The following CNTNAP5 variants were observed in gnomAD, a reference collection of about 807,000 sequenced individuals.
CNTNAP5 encodes contactin associated protein family member 5, also known as contactin-associated protein-like 5.
A neutral mutation model predicts 150.2 loss-of-function variants in CNTNAP5; 72 were observed. The ratio of observed to expected loss-of-function variants is 0.48; its 90% CI spans 0.40 to 0.58. The LOEUF (loss-of-function observed/expected upper bound fraction) is 0.58. Ranked by LOEUF, CNTNAP5 falls within the 20% of genes least tolerant of loss-of-function variation. The probability of loss-of-function intolerance (pLI) is 0.00; values close to 1 mark genes in which losing one functional copy is unlikely to be tolerated. For missense variants in CNTNAP5, 1,636 were observed against 1,626.2 expected (o/e 1.01, Z -0.10); for synonymous variants, 672 against 619.8 (o/e 1.08, Z -1.25).
chr2:124,182,957 A>G (rs1324938409), intron 1 of CNTNAP5, among the ~76,000 whole-genome samples: 1 of 152,148 alleles, frequency 6.6e-6, no homozygotes, highest in Admixed American at 6.6e-5. Context: ...TGCTTATGAC[A>G]GCATTTTTCT....
intron 3 of CNTNAP5, among the ~76,000 whole-genome samples, chr2:124,271,739 G>C (rs1227579321): frequency 1.3e-5 from 2 of 150,610 alleles, no homozygotes; most frequent in African/African-American, 2.4e-5. Flanking sequence ...TATTGAGACA[G>C]AGTCTTGCTC....
At chr2:124,223,043 T>C (rs1315586452) in intron 2 of CNTNAP5, among the ~76,000 whole-genome samples, 2 of 152,152 alleles carry the variant, frequency 1.3e-5, no homozygotes, top group African/African-American at 4.8e-5. Context: ...GCCAAAAATT[T>C]GATTAAGCAT....
At chr2:124,785,761 C>A (rs1681553584) in intron 17 of CNTNAP5, among the ~76,000 whole-genome samples, 1 of 152,186 alleles carries the variant, frequency 6.6e-6, no homozygotes, top group Admixed American at 6.5e-5. Context: ...ATCCCTAGGA[C>A]AATGACTAGT....
rs1437084071 is a variant in CNTNAP5 at position 124,918,261 on chromosome 2, C to A, written c.*3973C>A. On this transcript the variant is annotated 3_prime_UTR_variant, in exon 24 of 24. Transcript: ENST00000682447. Reference sequence around the variant, plus strand: ...CATGCCGTTGTTCTTCCAGATGTTCCTGAAGGTGGTTTGGTTGTCATCCAG... The same window carrying A: ...CATGCCGTTGTTCTTCCAGATGTTCATGAAGGTGGTTTGGTTGTCATCCAG... Among the ~76,000 whole-genome samples the A allele has an allele frequency of 6.6e-6, 1 of 152,024 alleles. No homozygotes were observed. The highest frequency in any genetic ancestry group is 6.6e-5 in the Admixed American group (1 of 15,238).
intron 6 of CNTNAP5, among the ~76,000 whole-genome samples, chr2:124,468,321 C>T (rs1693429281): frequency 6.6e-6 from 1 of 152,122 alleles, no homozygotes; most frequent in Admixed American, 6.6e-5. Flanking sequence ...GCCAACAGTG[C>T]AGTCTTCAGC....
chr2:124,062,001 T>G (rs1249394179), intron 1 of CNTNAP5, among the ~76,000 whole-genome samples: 1 of 152,156 alleles, frequency 6.6e-6, no homozygotes, highest in African/African-American at 2.4e-5. Flanking sequence ...TGCTGGATAT[T>G]CCAGGGATTT....
chr2:124,402,739 A>G (rs185915986), intron 3 of CNTNAP5, among the ~76,000 whole-genome samples: 501 of 152,340 alleles, frequency 3.3e-3, no homozygotes, highest in African/African-American at 0.012. Flanking sequence ...AGATACACAC[A>G]TATGCACTTA....
chr2:124,745,839 T>A (rs894019676), intron 13 of CNTNAP5, among the ~76,000 whole-genome samples: 5 of 152,148 alleles, frequency 3.3e-5, no homozygotes, highest in Admixed American at 1.3e-4. Flanking sequence ...CTTCTGTATG[T>A]TTTTCTCATG....
intron 13 of CNTNAP5, among the ~76,000 whole-genome samples, chr2:124,736,247 C>T (rs1336089545): frequency 6.6e-6 from 1 of 152,042 alleles, no homozygotes; most frequent in Non-Finnish European, 1.5e-5. Flanking sequence ...GGAAACAAAA[C>T]AAAACAAAAC....
rs1457507691 is a variant in CNTNAP5, at chr2:124,327,224, C to T, written c.381+84831C>T. 3.3e-5 allele frequency among the ~76,000 whole-genome samples: 5 copies of T among 152,092 alleles called. No homozygotes were observed. In the South Asian group the frequency reaches 1.0e-3, roughly 32 times the overall value. On this transcript the variant is annotated intron_variant, in intron 3 of 23. Coordinates refer to ENST00000682447, the MANE Select transcript of CNTNAP5 (RefSeq NM_001367498.1). ...CTCGATCTCCTGACCTTGTGATCTGCCTGCCTCGGCCTCCCAAAGTGCTGG... is the reference window on the plus strand; with the variant it reads ...CTCGATCTCCTGACCTTGTGATCTGTCTGCCTCGGCCTCCCAAAGTGCTGG...
intron 1 of CNTNAP5, among the ~76,000 whole-genome samples, chr2:124,132,215 G>A (rs770072421): frequency 1.3e-5 from 2 of 152,112 alleles, no homozygotes; most frequent in African/African-American, 2.4e-5. Context: ...AGAACCTATC[G>A]CTTCTCCTTG....
At chr2:124,772,046 C>T (rs1032445606) in intron 16 of CNTNAP5, among the ~76,000 whole-genome samples, 2 of 151,880 alleles carry the variant, frequency 1.3e-5, no homozygotes, top group South Asian at 4.2e-4. Flanking sequence ...ATCAGCACCA[C>T]CATCACCATC....
intron 19 of CNTNAP5, among the ~76,000 whole-genome samples, chr2:124,810,176 C>T (rs913672310): frequency 1.3e-5 from 2 of 152,184 alleles, no homozygotes; most frequent in African/African-American, 4.8e-5. Context: ...AAAACTACCA[C>T]CAAACTTAGC....
intron 3 of CNTNAP5, among the ~76,000 whole-genome samples, chr2:124,291,967 T>C (rs1180980756): frequency 1.3e-5 from 2 of 152,080 alleles, no homozygotes; most frequent in Admixed American, 1.3e-4. Flanking sequence ...CAATTAAACT[T>C]AAAATTGACT....
At chr2:124,760,236 T>C (rs191787491) in intron 14 of CNTNAP5, among the ~76,000 whole-genome samples, 4 of 152,144 alleles carry the variant, frequency 2.6e-5, no homozygotes, top group Admixed American at 1.3e-4. Flanking sequence ...ATTCTTCCTA[T>C]AATTTTCTGT....
chr2:124,811,228 A>G (rs186609563), intron 19 of CNTNAP5, among the ~76,000 whole-genome samples: 3 of 152,284 alleles, frequency 2.0e-5, no homozygotes, highest in African/African-American at 7.2e-5. Flanking sequence ...TATATCTAAA[A>G]TGGATAAATC....
intron 3 of CNTNAP5, among the ~76,000 whole-genome samples, chr2:124,341,139 G>T (rs1289490953): frequency 6.6e-6 from 1 of 151,690 alleles, no homozygotes; most frequent in Non-Finnish European, 1.5e-5. Flanking sequence ...CACACAAAAA[G>T]AATCCATAAA....
Position 124,813,423 on chromosome 2 carries a change from C to T in CNTNAP5, c.3217+15103C>T, listed in dbSNP as rs148565619. Among the ~76,000 whole-genome samples, 202 of 147,864 alleles carry T rather than the reference C, an allele frequency of 1.4e-3. 3 individuals are homozygous for T. In the East Asian group the frequency reaches 0.029, roughly 21 times the overall value. On this transcript the variant is annotated intron_variant, in intron 19 of 23. Transcript: ENST00000682447. ...TCTTTTTTTGAAGAAAAGATATACCCTCACTGAGCTAACTCATCCATTCCC... is the reference window on the plus strand; with the variant it reads ...TCTTTTTTTGAAGAAAAGATATACCTTCACTGAGCTAACTCATCCATTCCC...
chr2:124,031,268 A>G (rs535344217), intron 1 of CNTNAP5, among the ~76,000 whole-genome samples: 1 of 152,246 alleles, frequency 6.6e-6, no homozygotes, highest in African/African-American at 2.4e-5. Context: ...TCTGATGGTC[A>G]TATTTTATTT....
Sources: allele counts gnomAD v4.1 joint callset (sites outside exome capture counted in the v4.1 genomes callset), GRCh38; gene constraint gnomAD v4.1.1; transcripts MANE v1.5; gene names NCBI Gene and HGNC (gene_info 2026-07-23, HGNC 2026-07-21).